CAMTA1: variants seen among roughly 807,000 people sequenced by gnomAD.
The protein encoded by CAMTA1 is calmodulin binding transcription activator 1.
Under a neutral mutation model 170.9 loss-of-function variants are expected in CAMTA1, and 27 were observed. The ratio of observed to expected loss-of-function variants is 0.16; its 90% CI spans 0.12 to 0.22. The LOEUF is 0.22. CAMTA1 is among the 10% of genes least tolerant of loss of function. The probability of loss-of-function intolerance (pLI) is 1.00; values close to 1 mark genes in which losing one functional copy is unlikely to be tolerated. For missense variants in CAMTA1, 1,619 were observed against 2,217.2 expected (o/e 0.73, Z 5.42); for synonymous variants, 833 against 891.5 (o/e 0.93, Z 1.17).
chr1:7,420,609 C>T (rs949154392), intron 5 of CAMTA1, among the ~76,000 whole-genome samples: 2 of 152,100 alleles, frequency 1.3e-5, no homozygotes, highest in Non-Finnish European at 2.9e-5. Flanking sequence ...CACAGAGCTG[C>T]GATGTGTCTT....
At chr1:6,818,685 C>T (rs911530839) in intron 1 of CAMTA1, among the ~76,000 whole-genome samples, 5 of 152,208 alleles carry the variant, frequency 3.3e-5, no homozygotes, top group South Asian at 2.1e-4. Context: ...GTCATCCAGG[C>T]GGGAGTGCAG....
In CAMTA1 at chr1:7,217,731, C is replaced by T. The variant is rs1288299215; in HGVS notation, c.303-31760C>T. Among the ~76,000 whole-genome samples, 3 of 152,208 alleles carry T rather than the reference C, an allele frequency of 2.0e-5. No individual in the cohort carries two copies. The East Asian group carries it at 5.8e-4, about 29-fold the overall frequency. ...TACTAACTTTTACCATTTGGTCTTT[C>T]AGTTGTTAATGGAGTCTCTTGACTC... On this transcript the variant is annotated intron_variant, in intron 4 of 22. Coordinates refer to ENST00000303635, the MANE Select transcript of CAMTA1 (RefSeq NM_015215.4).
chr1:7,502,469 G>T (rs532893661), intron 6 of CAMTA1, among the ~76,000 whole-genome samples: 2 of 152,232 alleles, frequency 1.3e-5, no homozygotes, highest in East Asian at 1.9e-4. Flanking sequence ...CCAAGTGTTT[G>T]TTTGGTCCCT....
intron 3 of CAMTA1, among the ~76,000 whole-genome samples, chr1:6,962,158 G>A (rs1053772868): frequency 2.0e-5 from 3 of 152,222 alleles, no homozygotes; most frequent in Non-Finnish European, 4.4e-5. Flanking sequence ...CAGGACACAC[G>A]TGTGCTCCGA....
chr1:6,997,195 T>A (rs1697395569), intron 3 of CAMTA1, among the ~76,000 whole-genome samples: 1 of 152,216 alleles, frequency 6.6e-6, no homozygotes, highest in Non-Finnish European at 1.5e-5. Flanking sequence ...GCATTCTCTG[T>A]TGGACGAATT....
chr1:7,645,594 G>A (rs753961314), intron 7 of CAMTA1, among the ~76,000 whole-genome samples: 3 of 152,266 alleles, frequency 2.0e-5, no homozygotes, highest in Non-Finnish European at 4.4e-5. Context: ...CCATGAGCAA[G>A]TCCTAGGCCT....
In CAMTA1 at chr1:7,424,228, A is replaced by G. The variant is rs17030812; in HGVS notation, c.439-43602A>G. Among the ~76,000 whole-genome samples, 86 of 152,254 alleles carry G rather than the reference A, an allele frequency of 5.6e-4. 2 individuals are homozygous for G. In the East Asian group the frequency reaches 0.015, roughly 27 times the overall value. On this transcript the variant is annotated intron_variant, in intron 5 of 22. Transcript: ENST00000303635. ...GCAGCTGCTTCTCTCTGGTACCAAC[A>G]TGGAGCATTTTGCAGTCATTTATCA...
intron 3 of CAMTA1, among the ~76,000 whole-genome samples, chr1:6,995,493 G>C (rs540341309): frequency 6.6e-6 from 1 of 151,626 alleles, no homozygotes; most frequent in East Asian, 1.9e-4. Context: ...TAGTAGAGAC[G>C]AGGCTTCACC....
At chr1:7,749,538 T>TA (rs2096880871) in intron 19 of CAMTA1, among the ~76,000 whole-genome samples, 1 of 151,600 alleles carries the variant, frequency 6.6e-6, no homozygotes. Flanking sequence ...GTTTGGTTTT[T>TA]TAAAAAAAAA....
At chr1:7,656,874 T>C (rs1264844058) in intron 7 of CAMTA1, among the ~76,000 whole-genome samples, 1 of 152,270 alleles carries the variant, frequency 6.6e-6, no homozygotes, top group Non-Finnish European at 1.5e-5. Context: ...CGCTGCTGCC[T>C]TGCCAGGGGC....
chr1:7,415,969 T>C (rs1352972843), intron 5 of CAMTA1, among the ~76,000 whole-genome samples: 1 of 152,210 alleles, frequency 6.6e-6, no homozygotes, highest in African/African-American at 2.4e-5. Flanking sequence ...TGACAAAATC[T>C]CTCAGCGTTT....
At chr1:7,687,946 T>G (rs1437072446) in intron 11 of CAMTA1, among the ~76,000 whole-genome samples, 1 of 150,574 alleles carries the variant, frequency 6.6e-6, no homozygotes, top group Non-Finnish European at 1.5e-5. Context: ...GAAGCCTGCC[T>G]GGCAGGCCTG....
rs147716704 is a variant in CAMTA1, at chr1:7,533,783, T to G, written c.510+65882T>G. The stretch of plus-strand genomic sequence containing the variant: ...TAAAAATTAGCCGGGCATGGTGGTG[T>G]GCACCTGTAATCCCAGCTACTCGGG... On this transcript the variant is annotated intron_variant, in intron 6 of 22. Transcript: ENST00000303635. Among the ~76,000 whole-genome samples, 1,314 of 151,958 alleles carry G rather than the reference T, an allele frequency of 8.6e-3. 34 individuals carry two copies. Among genetic ancestry groups the G allele is most frequent in the East Asian group, 0.086 (444 of 5,140 alleles).
intron 3 of CAMTA1, among the ~76,000 whole-genome samples, chr1:6,863,775 T>C (rs909359104): frequency 3.9e-5 from 6 of 152,188 alleles, no homozygotes; most frequent in Admixed American, 3.3e-4. Flanking sequence ...TACCAACACA[T>C]TATTTACACT....
intron 5 of CAMTA1, among the ~76,000 whole-genome samples, chr1:7,352,064 C>T (rs943574365): frequency 4.0e-5 from 6 of 150,852 alleles, no homozygotes; most frequent in African/African-American, 5.0e-5. Context: ...AAGTCACTGC[C>T]GTTGAGATAA....
At chr1:7,016,275 G>A (rs1034406718) in intron 3 of CAMTA1, among the ~76,000 whole-genome samples, 3 of 152,130 alleles carry the variant, frequency 2.0e-5, no homozygotes, top group Non-Finnish European at 2.9e-5. Context: ...CTGGGTACGC[G>A]TCCTGTCTTA....
At chr1:7,495,232 G>A (rs1276870802) in intron 6 of CAMTA1, among the ~76,000 whole-genome samples, 1 of 152,086 alleles carries the variant, frequency 6.6e-6, no homozygotes, top group Non-Finnish European at 1.5e-5. Context: ...GGAGAGTTTC[G>A]GGGGGTAAAC....
chr1:7,467,702 G>A (rs762020354), intron 5 of CAMTA1, 128 bp from the exon 6 acceptor site: 47 of 840,834 alleles, frequency 5.6e-5, no homozygotes, highest in Non-Finnish European at 9.3e-5. Context: ...ACGCAGAGGT[G>A]CCCTCGGTCT....
rs1455230387 is a variant in CAMTA1 at position 7,064,259 on chromosome 1, T to A, written c.235-27045T>A. ...CCTCTTGTTCTTGTTCTTTTCTTCC[T>A]CTTGTTCTCTCTCTCTCACTCTCTC... On this transcript the variant is annotated intron_variant, in intron 3 of 22. Coordinates refer to ENST00000303635, the MANE Select transcript of CAMTA1 (RefSeq NM_015215.4). The surrounding 1 kb of genome is among the most constrained non-coding windows in gnomAD (Gnocchi z 5.4). 6.6e-6 allele frequency among the ~76,000 whole-genome samples: 1 copy of A among 151,902 alleles called. No individual in the cohort carries two copies. The highest frequency in any genetic ancestry group is 1.5e-5 in the Non-Finnish European group (1 of 67,996).
Sources: allele counts gnomAD v4.1 joint callset (sites outside exome capture counted in the v4.1 genomes callset), GRCh38; gene constraint gnomAD v4.1.1; non-coding constraint Gnocchi (gnomAD v3.1); transcripts MANE v1.5; gene names NCBI Gene and HGNC (gene_info 2026-07-23, HGNC 2026-07-21).